The following PRKD1 variants were observed in gnomAD, a reference collection of about 807,000 sequenced individuals.
The protein encoded by PRKD1 is protein kinase D1, also known as serine/threonine-protein kinase D1.
PRKD1 carries 63 observed loss-of-function variants against 95.9 expected under a neutral mutation model. The observed-to-expected ratio is 0.66, with a 90% CI of 0.54 to 0.81. The LOEUF (loss-of-function observed/expected upper bound fraction) is 0.81. Ranked by LOEUF, PRKD1 falls within the 30% of genes least tolerant of loss-of-function variation. PRKD1 has a pLI of 0.00. For synonymous variants in PRKD1, 425 were observed against 423.1 expected, an observed-to-expected ratio of 1.00 and a Z score of -0.05; for missense variants, 1,048 against 1,165.3, an observed-to-expected ratio of 0.90 and a Z score of 1.47.
At chr14:29,649,304 A>G (rs1453111237) in intron 4 of PRKD1, among the ~76,000 whole-genome samples, 1 of 152,168 alleles carries the variant, frequency 6.6e-6, no homozygotes, top group African/African-American at 2.4e-5. Context: ...TTGGATTGTA[A>G]GGAGGAGGGG....
At chr14:29,921,925 A>G (rs568495542) in intron 1 of PRKD1, among the ~76,000 whole-genome samples, 1 of 152,240 alleles carries the variant, frequency 6.6e-6, no homozygotes, top group Non-Finnish European at 1.5e-5. Flanking sequence ...CAGCCCATGG[A>G]CTACAAGGCT....
At chr14:29,778,517 C>T (rs1396520305) in intron 1 of PRKD1, among the ~76,000 whole-genome samples, 2 of 152,146 alleles carry the variant, frequency 1.3e-5, no homozygotes, top group African/African-American at 4.8e-5. Context: ...CATCTCTATG[C>T]AAATAAACTA....
chr14:29,883,997 T>G (rs548478508), intron 1 of PRKD1, among the ~76,000 whole-genome samples: 1 of 152,336 alleles, frequency 6.6e-6, no homozygotes, highest in South Asian at 2.1e-4. Flanking sequence ...GCAGAGATGA[T>G]CATCAAATGG....
intron 2 of PRKD1, among the ~76,000 whole-genome samples, chr14:29,692,206 G>T (rs1884277069): frequency 8.5e-6 from 1 of 117,278 alleles, no homozygotes; most frequent in African/African-American, 4.6e-5. Context: ...AAAACTTCCT[G>T]TTCATTTTTT....
At chr14:29,720,247 C>G (rs151338649) in intron 2 of PRKD1, among the ~76,000 whole-genome samples, 2 of 152,162 alleles carry the variant, frequency 1.3e-5, no homozygotes, top group East Asian at 3.9e-4. Context: ...AGGGTTATCC[C>G]CATTTTACAG....
At chr14:29,609,563 C>T (rs1347077509) in intron 13 of PRKD1, among the ~76,000 whole-genome samples, 1 of 148,126 alleles carries the variant, frequency 6.8e-6, no homozygotes, top group Non-Finnish European at 1.5e-5. Context: ...TTTTTTGAGA[C>T]AGAGTCTTGC....
intron 3 of PRKD1, among the ~76,000 whole-genome samples, chr14:29,664,519 T>TCA (rs893436474): frequency 1.3e-5 from 2 of 152,192 alleles, no homozygotes; most frequent in African/African-American, 4.8e-5. Flanking sequence ...TCTCCATGTG[T>TCA]CACACAGCAG....
In PRKD1 at chr14:29,597,722, C is replaced by T. The variant is rs1238310800; in HGVS notation, c.2203G>A (p.Gly735Arg). The change falls in exon 16 of 18, where the codon GGA becomes AGA. Residue 735 changes from glycine (G) to arginine (R), a missense_variant. Around this residue, in one of 3 missense-constraint regions of PRKD1, gnomAD observed 739 missense variants for 861.9 expected, o/e 0.86. Coordinates refer to ENST00000331968, the MANE Select transcript of PRKD1 (RefSeq NM_002742.3). ...LCDFGFARII[G>R]EKSFRRSVVG... ...ACTGACCTCCGGAAAGACTTCTCTC[C>T]AATGATCCGGGCAAAACCAAAATCA... 1 of 1,613,292 alleles carries T rather than the reference C, an allele frequency of 6.2e-7. No individual in the cohort carries two copies. The highest frequency in any genetic ancestry group is 8.5e-7 in the Non-Finnish European group (1 of 1,179,756).
intron 1 of PRKD1, among the ~76,000 whole-genome samples, chr14:29,903,210 T>C (rs1461880226): frequency 2.6e-5 from 4 of 152,224 alleles, no homozygotes; most frequent in African/African-American, 7.2e-5. Flanking sequence ...AAATAATGTA[T>C]TGGCCTTCCC....
intron 16 of PRKD1, among the ~76,000 whole-genome samples, chr14:29,586,831 G>A (rs1892950754): frequency 6.6e-6 from 1 of 151,998 alleles, no homozygotes; most frequent in Non-Finnish European, 1.5e-5. Context: ...CTCCATGTTG[G>A]TCAGGCTGGT....
intron 1 of PRKD1, among the ~76,000 whole-genome samples, chr14:29,903,182 A>G (rs1894378567): frequency 6.6e-6 from 1 of 152,204 alleles, no homozygotes; most frequent in African/African-American, 2.4e-5. Context: ...CAGGTTCCTC[A>G]AAAGAACACT....
intron 4 of PRKD1, among the ~76,000 whole-genome samples, chr14:29,648,848 G>A (rs1314104035): frequency 6.6e-6 from 1 of 152,076 alleles, no homozygotes; most frequent in African/African-American, 2.4e-5. Context: ...TAGAGACGGG[G>A]TTTCACCGTG....
chr14:29,810,777 G>A (rs7154546), intron 1 of PRKD1, among the ~76,000 whole-genome samples: 23,642 of 152,086 alleles, frequency 0.16, 2,077 homozygotes, highest in South Asian at 0.21. Flanking sequence ...CACCAAAGTG[G>A]GGAAGTGCAA....
rs1378835270 is a variant in PRKD1 at position 29,624,146 on chromosome 14, A to T, written c.1905+6T>A. The T allele has an allele frequency of 1.3e-6, 2 of 1,579,490 alleles. No homozygotes were observed. The highest frequency in any genetic ancestry group is 1.4e-5 in the African/African-American group (1 of 73,722). ...CCCTTTCCCCAAATGAGAACCAAAGAAGTACCTGTAGAATTGCAACCTCAT... is the reference window on the plus strand; with the variant it reads ...CCCTTTCCCCAAATGAGAACCAAAGTAGTACCTGTAGAATTGCAACCTCAT... On this transcript the variant is annotated splice_donor_region_variant and intron_variant, in intron 13 of 17. Coordinates refer to ENST00000331968, the MANE Select transcript of PRKD1 (RefSeq NM_002742.3).
At chr14:29,767,961 T>C (rs1241238090) in intron 1 of PRKD1, among the ~76,000 whole-genome samples, 1 of 152,230 alleles carries the variant, frequency 6.6e-6, no homozygotes, top group African/African-American at 2.4e-5. Flanking sequence ...TAGGTTAACA[T>C]TTATTATCTA....
intron 4 of PRKD1, among the ~76,000 whole-genome samples, chr14:29,656,680 T>C (rs1881862074): frequency 6.6e-6 from 1 of 152,168 alleles, no homozygotes; most frequent in Non-Finnish European, 1.5e-5. Flanking sequence ...TACAGAGATA[T>C]CTGAGTTGCA....
At chr14:29,764,477 A>G (rs1396557685) in intron 1 of PRKD1, among the ~76,000 whole-genome samples, 1 of 152,192 alleles carries the variant, frequency 6.6e-6, no homozygotes, top group Non-Finnish European at 1.5e-5. Context: ...GTAATTTATA[A>G]GTAATAGAAA....
intron 1 of PRKD1, among the ~76,000 whole-genome samples, chr14:29,843,096 C>T (rs1012164485): frequency 6.6e-6 from 1 of 152,158 alleles, no homozygotes; most frequent in African/African-American, 2.4e-5. Flanking sequence ...CAGAATGTGA[C>T]TGTATTTGGA....
chr14:29,677,384 A>G lies in PRKD1; in HGVS notation c.404-11176T>C, dbSNP rs1368772255. On this transcript the variant is annotated intron_variant, in intron 2 of 17. Transcript: ENST00000331968. ...AACTAATAATAGGGAATTTCTGGAG[A>G]ACAATTTAGATCAATCAGAATCCAG... 2.0e-5 allele frequency among the ~76,000 whole-genome samples: 3 copies of G among 152,264 alleles called. No homozygotes were observed. In the East Asian group the frequency reaches 5.8e-4, roughly 29 times the overall value.
Sources: gnomAD v4.1 joint callset for allele counts (sites outside exome capture counted in the v4.1 genomes callset) on GRCh38, gnomAD v4.1.1 for gene constraint, gnomAD v4.1.1 regional missense constraint, MANE v1.5 for transcripts, NCBI Gene and HGNC (gene_info 2026-07-23, HGNC 2026-07-21) for gene names.